PTBP2: variants seen among roughly 807,000 people sequenced by gnomAD.
The protein encoded by PTBP2 is polypyrimidine tract binding protein 2, also known as polypyrimidine tract-binding protein 2.
In PTBP2, 13 loss-of-function variants were observed where a neutral mutation model predicts 61.4. The observed-to-expected ratio is 0.21, with a 90% CI of 0.14 to 0.34. PTBP2 has a LOEUF of 0.34. Among genes scored for constraint, PTBP2 ranks in the 10% least tolerant of loss-of-function variants. The pLI is 1.00. For synonymous variants in PTBP2, 215 were observed against 218.5 expected (o/e 0.98, Z 0.14); for missense variants, 405 against 642.6 (o/e 0.63, Z 4.00).
At chr1:96,810,970 G>GT (rs1046376781) in intron 11 of PTBP2, among the ~76,000 whole-genome samples, 1 of 151,288 alleles carries the variant, frequency 6.6e-6, no homozygotes, top group East Asian at 1.9e-4. Flanking sequence ...AGATTGTTTT[G>GT]TTTTTTTTCT....
intron 3 of PTBP2, among the ~76,000 whole-genome samples, chr1:96,763,450 T>C (rs562587131): frequency 1.8e-4 from 27 of 148,730 alleles, no homozygotes; most frequent in Non-Finnish European, 2.1e-4. Context: ...TGGCGGCGCG[T>C]GCCTGCAATA....
intron 8 of PTBP2, among the ~76,000 whole-genome samples, chr1:96,804,271 T>C (rs1180979025): frequency 6.6e-6 from 1 of 152,192 alleles, no homozygotes; most frequent in Non-Finnish European, 1.5e-5. Context: ...TTTCTTTATT[T>C]GCATGAATTA....
chr1:96,787,087 C>CT (rs1171802349), intron 8 of PTBP2, among the ~76,000 whole-genome samples: 1 of 152,164 alleles, frequency 6.6e-6, no homozygotes. Flanking sequence ...GTGGCGCAGT[C>CT]TCGGCTCACT....
chr1:96,733,572 T>C (rs1394622318), intron 2 of PTBP2, among the ~76,000 whole-genome samples: 1 of 151,854 alleles, frequency 6.6e-6, no homozygotes, highest in African/African-American at 2.4e-5. Flanking sequence ...CCCAGCTACT[T>C]GGGAGGCTGA....
At chr1:96,791,742 A>G (rs1659821367) in intron 8 of PTBP2, among the ~76,000 whole-genome samples, 1 of 151,986 alleles carries the variant, frequency 6.6e-6, no homozygotes, top group African/African-American at 2.4e-5. Context: ...ATGCCTTTGC[A>G]ATAGTTGCCA....
chr1:96,804,828 C>T lies in PTBP2; in HGVS notation c.933C>T (p.Ala311=). The change falls in exon 9 of 14, where the codon GCC becomes GCT. Residue 311 remains alanine (A), a synonymous_variant. Coordinates refer to ENST00000674951, the MANE Select transcript of PTBP2 (RefSeq NM_021190.4). ...LAVPGALSPL[A]IPNAAAAAAA... ...TTCCAGGAGCTCTGAGTCCTTTGGC[C>T]ATTCCAAATGCTGCTGCAGCAGCTG... The T allele has an allele frequency of 8.1e-6, 13 of 1,611,948 alleles. No homozygotes were observed. Among genetic ancestry groups the T allele is most frequent in the Non-Finnish European group, 1.1e-5 (13 of 1,178,466 alleles).
At position 96,782,195 on chromosome 1, in the gene PTBP2, A is replaced by C. The variant is rs530876276; in HGVS notation, c.709-2864A>C. Among the ~76,000 whole-genome samples, 8 of 152,110 alleles carry C rather than the reference A, an allele frequency of 5.3e-5. No homozygotes were observed. In the South Asian group the frequency reaches 1.0e-3, roughly 20 times the overall value. On this transcript the variant is annotated intron_variant, in intron 7 of 13. Transcript: ENST00000674951. ...GGAATATCTTTAGTTGACACTGGAC[A>C]GTATATTGTGTCTTCTGGAAGTCCT... is the stretch of plus-strand genomic sequence containing the variant.
chr1:96,816,108 G>C (rs1173282104), downstream of PTBP2: 2 of 152,216 alleles, frequency 1.3e-5, no homozygotes, highest in Non-Finnish European at 2.9e-5. Context: ...AAGCTGGTGG[G>C]AGTTCCCAGT....
chr1:96,729,515 T>C (rs1049834238), intron 2 of PTBP2, among the ~76,000 whole-genome samples: 1 of 152,176 alleles, frequency 6.6e-6, no homozygotes, highest in South Asian at 2.1e-4. Flanking sequence ...AATTTCTTCC[T>C]TAACTGACAC....
intron 2 of PTBP2, among the ~76,000 whole-genome samples, chr1:96,737,141 G>A (rs1011639618): frequency 1.4e-4 from 22 of 151,872 alleles, no homozygotes; most frequent in African/African-American, 4.3e-4. Context: ...CACCACACCC[G>A]GCTAATTTTT....
intron 3 of PTBP2, among the ~76,000 whole-genome samples, chr1:96,767,379 T>C (rs1243802927): frequency 6.6e-6 from 1 of 152,126 alleles, no homozygotes; most frequent in East Asian, 1.9e-4. Flanking sequence ...TATTGGTCTT[T>C]TTTTTTCCTT....
At chr1:96,767,167 T>C (rs1421302892) in intron 3 of PTBP2, among the ~76,000 whole-genome samples, 2 of 152,168 alleles carry the variant, frequency 1.3e-5, no homozygotes, top group East Asian at 3.9e-4. Context: ...GTTTCCTACG[T>C]TCTTTCTGTG....
intron 8 of PTBP2, among the ~76,000 whole-genome samples, chr1:96,789,200 T>C (rs747914162): frequency 3.3e-5 from 5 of 151,998 alleles, no homozygotes; most frequent in African/African-American, 7.2e-5. Flanking sequence ...GAGCTTTCCT[T>C]GTATTTCAAA....
chr1:96,801,477 A>G (rs1660989883), intron 8 of PTBP2, among the ~76,000 whole-genome samples: 1 of 152,148 alleles, frequency 6.6e-6, no homozygotes, highest in South Asian at 2.1e-4. Flanking sequence ...ACTAAAGTGT[A>G]TTTTGCCTCT....
chr1:96,760,202 ATGAGCAGCCCAATTTTTTTT>A (rs1655644521), intron 3 of PTBP2, among the ~76,000 whole-genome samples: 1 of 152,212 alleles, frequency 6.6e-6, no homozygotes, highest in Admixed American at 6.5e-5. Context: ...ATCAATAAAT[ATGAGCAGCCCAATTTTTTTT>A]TAAGTGGCAA....
At chr1:96,808,140 C>T (rs910331457) in intron 11 of PTBP2, among the ~76,000 whole-genome samples, 1 of 151,804 alleles carries the variant, frequency 6.6e-6, no homozygotes, top group Non-Finnish European at 1.5e-5. Flanking sequence ...GTAGAATTAC[C>T]TCAGATCTTC....
At chr1:96,797,387 G>A (rs1385656390) in intron 8 of PTBP2, among the ~76,000 whole-genome samples, 2 of 152,212 alleles carry the variant, frequency 1.3e-5, no homozygotes, top group Non-Finnish European at 1.5e-5. Context: ...GTTGTTAGTG[G>A]TAGAAGAGAA....
At chr1:96,725,788 A>G (rs1650360010) in intron 2 of PTBP2, among the ~76,000 whole-genome samples, 1 of 152,018 alleles carries the variant, frequency 6.6e-6, no homozygotes. Flanking sequence ...TGCATATTTA[A>G]AAAAATTCAG....
At chr1:96,775,032 A>G (rs1570903321) in intron 5 of PTBP2, among the ~76,000 whole-genome samples, 1 of 152,088 alleles carries the variant, frequency 6.6e-6, no homozygotes. Flanking sequence ...CACACTTCAC[A>G]TGGCCAGTGT....
Sources: allele counts gnomAD v4.1 joint callset (sites outside exome capture counted in the v4.1 genomes callset), GRCh38; gene constraint gnomAD v4.1.1; transcripts MANE v1.5; gene names NCBI Gene and HGNC (gene_info 2026-07-23, HGNC 2026-07-21).